KCNAB2: variants seen among roughly 807,000 people sequenced by gnomAD.
The protein encoded by KCNAB2 is potassium voltage-gated channel subfamily A regulatory beta subunit 2.
KCNAB2 carries 29 observed loss-of-function variants against 63.6 expected under a neutral mutation model. The ratio of observed to expected loss-of-function variants is 0.46; its 90% CI spans 0.34 to 0.62. The LOEUF is 0.62. Ranked by LOEUF, KCNAB2 falls within the 20% of genes least tolerant of loss-of-function variation. The pLI is 0.01. For synonymous variants in KCNAB2, 222 were observed against 224.2 expected (o/e 0.99, Z 0.09); for missense variants, 359 against 563.9 (o/e 0.64, Z 3.68).
chr1:6,060,373 C>T (rs750690382), intron 2 of KCNAB2, among the ~76,000 whole-genome samples: 17 of 152,246 alleles, frequency 1.1e-4, no homozygotes, highest in Non-Finnish European at 1.8e-4. Flanking sequence ...GTCTTCAGCT[C>T]TTACTCTCCT....
At chr1:6,011,030 T>C (rs113677318) in intron 1 of KCNAB2, among the ~76,000 whole-genome samples, 4,630 of 152,254 alleles carry the variant, frequency 0.03, 256 homozygotes, top group African/African-American at 0.11. Flanking sequence ...ACTCTCTACC[T>C]GCTGTTGCCC....
chr1:5,992,886 C>G (rs909769556), intron 1 of KCNAB2: 1 of 152,276 alleles, frequency 6.6e-6, no homozygotes, highest in African/African-American at 2.4e-5. Flanking sequence ...CGGCAGGCGC[C>G]GCGGTCCCGT....
rs1227905331 is a variant in KCNAB2 at position 6,035,588 on chromosome 1, G to T, written c.-53+794G>T. ...TCCCGGGAGTGGGACTGACACCTGGGAGGGTGGGGAGCTCGTTACTCATCT... is the reference window on the plus strand; with the variant it reads ...TCCCGGGAGTGGGACTGACACCTGGTAGGGTGGGGAGCTCGTTACTCATCT... On this transcript the variant is annotated intron_variant, in intron 1 of 15. Transcript: ENST00000164247. This position sits in a 1 kb window ranked among gnomAD's most constrained non-coding sequence, Gnocchi z 5.0. 1.3e-5 allele frequency among the ~76,000 whole-genome samples: 2 copies of T among 152,184 alleles called. No homozygotes were observed. The highest frequency in any genetic ancestry group is 3.9e-4 in the East Asian group (2 of 5,162).
At chr1:6,030,603 C>CTG (rs201740052), upstream of KCNAB2, among the ~76,000 whole-genome samples, 1,747 of 147,894 alleles carry the variant, frequency 0.012, 32 homozygotes, top group African/African-American at 0.04. Flanking sequence ...GTGTATGTAT[C>CTG]TGTATGTGTG....
rs2100367959 is a variant in KCNAB2, at chr1:6,028,043, G to A, written c.-52-12474G>A. ...CCAACCCCTGCCCACCCTCTGGGGTGTCCTTCTGACAAATGGGCCTTTCTT... is the reference window on the plus strand; with the variant it reads ...CCAACCCCTGCCCACCCTCTGGGGTATCCTTCTGACAAATGGGCCTTTCTT... On this transcript the variant is annotated intron_variant, in intron 1 of 16. Coordinates refer to the KCNAB2 transcript ENST00000341524. This position sits in a 1 kb window ranked among gnomAD's most constrained non-coding sequence, Gnocchi z 4.0. Among the ~76,000 whole-genome samples, 1 of 152,348 alleles carries A rather than the reference G, an allele frequency of 6.6e-6. No individual in the cohort carries two copies. The highest frequency in any genetic ancestry group is 1.9e-4 in the East Asian group (1 of 5,184).
intron 2 of KCNAB2, among the ~76,000 whole-genome samples, chr1:6,060,223 C>T (rs566617077): frequency 6.0e-4 from 91 of 152,344 alleles, no homozygotes; most frequent in African/African-American, 1.7e-3. Flanking sequence ...TGGAGCCCTG[C>T]CATACTCCTG....
At position 6,013,936 on chromosome 1, in the gene KCNAB2, T is replaced by C. The variant is rs943308410; in HGVS notation, c.-53+21148T>C. Among the ~76,000 whole-genome samples, 5 of 152,148 alleles carry C rather than the reference T, an allele frequency of 3.3e-5. No individual in the cohort carries two copies. In the East Asian group the frequency reaches 9.6e-4, roughly 29 times the overall value. ...TTCTCTGCTGGCCATAGAACAAGAC[T>C]GTGCTTTAGAGGGTGGACTCCCAGA... On this transcript the variant is annotated intron_variant, in intron 1 of 16. Coordinates refer to the KCNAB2 transcript ENST00000341524.
intron 1 of KCNAB2, among the ~76,000 whole-genome samples, chr1:6,022,171 T>C (rs1209547560): frequency 6.6e-6 from 1 of 151,080 alleles, no homozygotes; most frequent in Admixed American, 6.6e-5. Flanking sequence ...TGGTATTGAG[T>C]GTCTAGTTCA....
chr1:6,070,204 G>A (rs977030284), intron 2 of KCNAB2, among the ~76,000 whole-genome samples: 1 of 152,220 alleles, frequency 6.6e-6, no homozygotes, highest in Non-Finnish European at 1.5e-5. Context: ...GGTTCGTTCT[G>A]AGGGCATTCG....
At chr1:6,013,798 C>T (rs1162379621) in intron 1 of KCNAB2, among the ~76,000 whole-genome samples, 1 of 152,126 alleles carries the variant, frequency 6.6e-6, no homozygotes, top group East Asian at 1.9e-4. Flanking sequence ...ACGACACCCA[C>T]CCCCTGCTGC....
chr1:6,065,022 C>T (rs1662623066), intron 2 of KCNAB2, among the ~76,000 whole-genome samples: 1 of 152,202 alleles, frequency 6.6e-6, no homozygotes, highest in African/African-American at 2.4e-5. Context: ...CTTGGGCCAT[C>T]TGTGTCATAA....
chr1:6,044,278 C>A (rs1405950608), upstream of KCNAB2, among the ~76,000 whole-genome samples: 1 of 152,122 alleles, frequency 6.6e-6, no homozygotes, highest in Admixed American at 6.5e-5. Flanking sequence ...TCTCAAATAG[C>A]CCTGATGATC....
intron 15 of KCNAB2, 76 bp from the exon 16 acceptor site, chr1:6,098,409 G>A: frequency 6.3e-7 from 1 of 1,588,784 alleles, no homozygotes; most frequent in Non-Finnish European, 8.6e-7. Context: ...ATCTGGAAGA[G>A]CCTGGCCCCA....
intron 1 of KCNAB2, among the ~76,000 whole-genome samples, chr1:6,013,158 C>T (rs1281031936): frequency 6.6e-6 from 1 of 152,088 alleles, no homozygotes; most frequent in Non-Finnish European, 1.5e-5. Flanking sequence ...GAGACACCTT[C>T]GTGCGTTCAT....
intron 2 of KCNAB2, among the ~76,000 whole-genome samples, chr1:6,054,784 G>T (rs1168149167): frequency 6.6e-6 from 1 of 152,210 alleles, no homozygotes; most frequent in Non-Finnish European, 1.5e-5. Flanking sequence ...AAGTTACAAA[G>T]TTACACTTCT....
intron 1 of KCNAB2, among the ~76,000 whole-genome samples, chr1:6,047,702 G>A (rs933525297): frequency 6.6e-6 from 1 of 152,208 alleles, no homozygotes; most frequent in African/African-American, 2.4e-5. Context: ...CTGTGCACGG[G>A]ACACTCCCGT....
chr1:6,057,312 A>G (rs1356074006), intron 2 of KCNAB2, among the ~76,000 whole-genome samples: 1 of 152,094 alleles, frequency 6.6e-6, no homozygotes, highest in African/African-American at 2.4e-5. Flanking sequence ...TTCACCAGGA[A>G]GTACTTGGTT....
In KCNAB2 at chr1:6,073,319, A is replaced by C. The variant is rs1319144537; in HGVS notation, c.263-414A>C. Among the ~76,000 whole-genome samples, 2 of 147,982 alleles carry C rather than the reference A, an allele frequency of 1.4e-5. No homozygotes were observed. The highest frequency in any genetic ancestry group is 5.1e-5 in the African/African-American group (2 of 39,498). On this transcript the variant is annotated intron_variant, in intron 3 of 15. Coordinates refer to ENST00000378083, the MANE Select transcript of KCNAB2 (RefSeq NM_001199862.2). This position sits in a 1 kb window ranked among gnomAD's most constrained non-coding sequence, Gnocchi z 5.7. ...CACACCCCGCCCCCCACCAGCACCC[A>C]CTGCCCTGACACCGCCCTCCCCGCT...
At position 6,071,838 on chromosome 1, in the gene KCNAB2, C is replaced by T. The variant is rs368361677; in HGVS notation, c.219-917C>T. Among the ~76,000 whole-genome samples the T allele has an allele frequency of 1.3e-5, 2 of 150,460 alleles. No homozygotes were observed. Among genetic ancestry groups the T allele is most frequent in the South Asian group, 2.1e-4 (1 of 4,728 alleles). Reference sequence around the variant, plus strand: ...AGGGCACCTCCTGCCGCATAGGGCACCTCCTGCCGCGAGGGCACCTCCTGC... The same window carrying T: ...AGGGCACCTCCTGCCGCATAGGGCATCTCCTGCCGCGAGGGCACCTCCTGC... On this transcript the variant is annotated intron_variant, in intron 2 of 15. Coordinates refer to ENST00000378083, the MANE Select transcript of KCNAB2 (RefSeq NM_001199862.2). This position sits in a 1 kb window ranked among gnomAD's most constrained non-coding sequence, Gnocchi z 8.5.
Sources: allele counts gnomAD v4.1 joint callset (sites outside exome capture counted in the v4.1 genomes callset), GRCh38; gene constraint gnomAD v4.1.1; non-coding constraint Gnocchi (gnomAD v3.1); transcripts MANE v1.5; gene names NCBI Gene and HGNC (gene_info 2026-07-23, HGNC 2026-07-21).